MICAL2: variants seen among roughly 807,000 people sequenced by gnomAD.
MICAL2 encodes [F-actin]-monooxygenase MICAL2.
Under a neutral mutation model 127.3 loss-of-function variants are expected in MICAL2, and 77 were observed. The ratio of observed to expected loss-of-function variants is 0.60; its 90% CI spans 0.50 to 0.73. The LOEUF (loss-of-function observed/expected upper bound fraction) is 0.73. Ranked by LOEUF, MICAL2 falls within the 30% of genes least tolerant of loss-of-function variation. The pLI, the probability that MICAL2 is intolerant of heterozygous loss-of-function variation, is 0.00. For missense variants in MICAL2, 1,351 were observed against 1,434.4 expected, an observed-to-expected ratio of 0.94 and a Z score of 0.94; for synonymous variants, 570 against 551.1, an observed-to-expected ratio of 1.03 and a Z score of -0.48.
At chr11:12,116,116 A>G (rs1849999908) in intron 1 of MICAL2, among the ~76,000 whole-genome samples, 1 of 147,098 alleles carries the variant, frequency 6.8e-6, no homozygotes, top group Non-Finnish European at 1.5e-5. Flanking sequence ...AGCTGGGACT[A>G]CAGGCATCCG....
chr11:12,217,845 C>G (rs974845320), intron 8 of MICAL2, among the ~76,000 whole-genome samples: 6 of 152,096 alleles, frequency 3.9e-5, no homozygotes, highest in African/African-American at 7.2e-5. Flanking sequence ...CCTCAAGGTA[C>G]AAGATGGGAA....
intron 1 of MICAL2, among the ~76,000 whole-genome samples, chr11:12,118,581 C>T (rs565966545): frequency 1.3e-5 from 2 of 152,276 alleles, no homozygotes; most frequent in African/African-American, 4.8e-5. Context: ...CTTTAGGAGT[C>T]CCCTTGTGTT....
intron 13 of MICAL2, 48 bp from the exon 14 acceptor site, chr11:12,226,123 C>A: frequency 6.3e-7 from 1 of 1,594,932 alleles, no homozygotes; most frequent in Non-Finnish European, 8.6e-7. Flanking sequence ...GCTCGCCACA[C>A]CTCTGCCTCC....
intron 32 of MICAL2, among the ~76,000 whole-genome samples, chr11:12,339,858 TG>T (rs1372879661): frequency 3.3e-5 from 5 of 152,268 alleles, no homozygotes; most frequent in African/African-American, 1.2e-4. Context: ...CTGCCCCTAC[TG>T]GGGGGTGCCT....
At chr11:12,292,895 G>T (rs1863923852), downstream of MICAL2, among the ~76,000 whole-genome samples, 1 of 152,210 alleles carries the variant, frequency 6.6e-6, no homozygotes, top group African/African-American at 2.4e-5. Context: ...TCTTGGGAGG[G>T]CACAGCCACC....
At chr11:12,279,730 A>G (rs1863752879) in intron 1 of MICAL2, among the ~76,000 whole-genome samples, 1 of 152,180 alleles carries the variant, frequency 6.6e-6, no homozygotes, top group Admixed American at 6.5e-5. Flanking sequence ...GTCTCCACAC[A>G]TGGAACTCGG....
intron 15 of MICAL2, among the ~76,000 whole-genome samples, chr11:12,233,833 G>A (rs1449662224): frequency 1.3e-5 from 2 of 152,200 alleles, no homozygotes. Flanking sequence ...GGAAAAGGGA[G>A]TACTGAAGCA....
chr11:12,215,896 G>A (rs901615719), intron 7 of MICAL2, among the ~76,000 whole-genome samples: 6 of 152,220 alleles, frequency 3.9e-5, no homozygotes, highest in African/African-American at 1.4e-4. Context: ...CCCTGTCATT[G>A]CTGAGCTTCT....
chr11:12,319,951 T>G (rs934402616), intron 30 of MICAL2: 11 of 610,888 alleles, frequency 1.8e-5, no homozygotes, highest in Non-Finnish European at 3.2e-5. Flanking sequence ...GAGTGCTCTC[T>G]TTACCTTGAA....
intron 2 of MICAL2, among the ~76,000 whole-genome samples, chr11:12,151,600 T>C (rs972498822): frequency 3.3e-5 from 5 of 152,238 alleles, no homozygotes; most frequent in African/African-American, 1.2e-4. Flanking sequence ...CTTTCCCCCA[T>C]GCAGGCATCC....
At chr11:12,300,120 C>A (rs1186977639) in intron 29 of MICAL2, among the ~76,000 whole-genome samples, 1 of 151,966 alleles carries the variant, frequency 6.6e-6, no homozygotes, top group Admixed American at 6.6e-5. Flanking sequence ...CATGGCAAAA[C>A]CACGTCTCTA....
downstream of MICAL2, among the ~76,000 whole-genome samples, chr11:12,288,796 G>A (rs1863858573): frequency 6.6e-6 from 1 of 152,224 alleles, no homozygotes; most frequent in Non-Finnish European, 1.5e-5. Flanking sequence ...CCAAGACTTT[G>A]AGGGGGATTT....
chr11:12,242,534 C>G (rs1860123439), intron 19 of MICAL2, 102 bp downstream of exon 19: 14 of 1,436,850 alleles, frequency 9.7e-6, no homozygotes, highest in Middle Eastern at 1.8e-4. Context: ...CTCTGCCCAC[C>G]CCCTGTCTCT....
intron 2 of MICAL2, among the ~76,000 whole-genome samples, chr11:12,141,628 A>C (rs1446295565): frequency 6.6e-6 from 1 of 152,206 alleles, no homozygotes; most frequent in Non-Finnish European, 1.5e-5. Context: ...CTAAGGAGTG[A>C]AAGTTGGTTG....
intron 3 of MICAL2, among the ~76,000 whole-genome samples, chr11:12,202,471 G>T (rs982576288): frequency 6.6e-6 from 1 of 152,168 alleles, no homozygotes; most frequent in African/African-American, 2.4e-5. Flanking sequence ...TTGTTGTGAG[G>T]ATTAAGAGCT....
In MICAL2 at chr11:12,259,853, C is replaced by A; in HGVS notation, c.3290C>A (p.Ser1097Tyr). 6.2e-7 allele frequency: 1 copy of A among 1,607,162 alleles called. No homozygotes were observed. The highest frequency in any genetic ancestry group is 8.5e-7 in the Non-Finnish European group (1 of 1,175,894). Residue 1097 changes from serine to tyrosine, a missense_variant, in exon 26 of 28, where the codon TCT becomes TAT. Physicochemically the swap from Ser to Tyr is moderately radical, Grantham distance 144 (BLOSUM62 -2). Coordinates refer to ENST00000683283, the MANE Select transcript of MICAL2 (RefSeq NM_001282663.2). ...CGGAGAGACACTCCCACCGAAAGTT[C>A]TTGCGCAGTGGCCGCCATTGGCACC... Reference protein sequence around the residue: ...APRRDTPTESSCAVAAIGTLE... With the variant: ...APRRDTPTESYCAVAAIGTLE...
At chr11:12,312,610 T>G (rs982922535) in intron 29 of MICAL2, among the ~76,000 whole-genome samples, 2 of 152,206 alleles carry the variant, frequency 1.3e-5, no homozygotes, top group Non-Finnish European at 2.9e-5. Flanking sequence ...GCATACAAAT[T>G]TATTTGATCA....
intron 24 of MICAL2, among the ~76,000 whole-genome samples, chr11:12,269,315 G>C (rs182066433): frequency 6.6e-6 from 1 of 152,176 alleles, no homozygotes; most frequent in East Asian, 1.9e-4. Context: ...ATGCGGGTAT[G>C]GGTCCTGGCT....
chr11:12,303,562 CTT>C (rs1864073870), intron 29 of MICAL2: 1 of 152,176 alleles, frequency 6.6e-6, no homozygotes, highest in Non-Finnish European at 1.5e-5. Flanking sequence ...ATTCTGAAGA[CTT>C]AGTATGAATG....
Sources: allele counts gnomAD v4.1 joint callset (sites outside exome capture counted in the v4.1 genomes callset), GRCh38; gene constraint gnomAD v4.1.1; transcripts MANE v1.5; gene names NCBI Gene and HGNC (gene_info 2026-07-23, HGNC 2026-07-21).